MYO1E: variants seen among roughly 807,000 people sequenced by gnomAD.
MYO1E encodes unconventional myosin-Ie.
Under a neutral mutation model 151.1 loss-of-function variants are expected in MYO1E, and 68 were observed. The ratio of observed to expected loss-of-function variants is 0.45; its 90% CI spans 0.37 to 0.55. The LOEUF is 0.55. MYO1E is among the 20% of genes least tolerant of loss of function. The probability of loss-of-function intolerance (pLI) is 0.00; values close to 1 mark genes in which losing one functional copy is unlikely to be tolerated. For synonymous variants in MYO1E, 601 were observed against 501.7 expected, an observed-to-expected ratio of 1.20 and a Z score of -2.64; for missense variants, 1,363 against 1,389.3, an observed-to-expected ratio of 0.98 and a Z score of 0.30.
chr15:59,285,252 G>A (rs2080380193), intron 1 of MYO1E, among the ~76,000 whole-genome samples: 1 of 152,026 alleles, frequency 6.6e-6, no homozygotes, highest in African/African-American at 2.4e-5. Context: ...TGCAAGGTGT[G>A]GCGGTTCATG....
chr15:59,306,771 A>G (rs1180350126), intron 1 of MYO1E, among the ~76,000 whole-genome samples: 1 of 152,248 alleles, frequency 6.6e-6, no homozygotes, highest in African/African-American at 2.4e-5. Flanking sequence ...CAGGCTGGAT[A>G]TTAGGGACTG....
At chr15:59,240,887 G>C (rs756801874) in intron 4 of MYO1E, among the ~76,000 whole-genome samples, 4 of 152,236 alleles carry the variant, frequency 2.6e-5, no homozygotes, top group Admixed American at 6.5e-5. Context: ...CTCTGCCCCA[G>C]TGTGTTAAGC....
intron 1 of MYO1E, among the ~76,000 whole-genome samples, chr15:59,297,235 T>G (rs2080455650): frequency 6.6e-6 from 1 of 151,648 alleles, no homozygotes; most frequent in Non-Finnish European, 1.5e-5. Context: ...TATTACTTAT[T>G]TTTTCCCCTG....
chr15:59,363,329 C>G (rs1332422740), intron 1 of MYO1E, among the ~76,000 whole-genome samples: 1 of 152,164 alleles, frequency 6.6e-6, no homozygotes, highest in Non-Finnish European at 1.5e-5. Flanking sequence ...ATCTTCTAGT[C>G]TCTATGGCAA....
chr15:59,371,246 T>G (rs1253385284), intron 1 of MYO1E, among the ~76,000 whole-genome samples: 4 of 152,274 alleles, frequency 2.6e-5, no homozygotes, highest in African/African-American at 9.6e-5. Context: ...GGGCCTCTGC[T>G]GCACTTCCCT....
chr15:59,218,827 G>A (rs970786283), intron 9 of MYO1E, among the ~76,000 whole-genome samples: 1 of 152,230 alleles, frequency 6.6e-6, no homozygotes, highest in Admixed American at 6.5e-5. Flanking sequence ...ATGCAGAGAG[G>A]AGAAGGGAGT....
Position 59,236,363 on chromosome 15 carries a change from A to AAATAT in MYO1E, c.420+221_420+222insATATT, listed in dbSNP as rs1387709265. On this transcript the variant is annotated intron_variant, in intron 5 of 27. Coordinates refer to ENST00000288235, the MANE Select transcript of MYO1E (RefSeq NM_004998.4). ...TCTGTCTCAAAAAAGAAAAAAAAAA[A>AAATAT]ATATATACACACACACACACACACA... 9.4e-4 allele frequency among the ~76,000 whole-genome samples: 57 copies of AAATAT among 60,806 alleles called. No homozygotes were observed. The East Asian group carries it at 0.029, about 31-fold the overall frequency. The allele number at this position is 60,806 out of a possible 152,430, so 39.9% of individuals were successfully genotyped here. A position where few individuals can be genotyped will look rare whatever the true frequency, so the allele number is the denominator to read the frequency against.
chr15:59,275,435 T>C (rs4775145), intron 1 of MYO1E, among the ~76,000 whole-genome samples: 140,604 of 152,034 alleles, frequency 0.92, 65,665 homozygotes, highest in Non-Finnish European at 0.99. Context: ...CTCCCTTCCC[T>C]GTCTCTCCCT....
intron 1 of MYO1E, among the ~76,000 whole-genome samples, chr15:59,309,750 G>T (rs1292617028): frequency 6.6e-6 from 1 of 152,258 alleles, no homozygotes; most frequent in East Asian, 1.9e-4. Context: ...GTTGCCCTTC[G>T]GTTTCTTCCA....
intron 1 of MYO1E, among the ~76,000 whole-genome samples, chr15:59,276,214 A>C (rs1217216087): frequency 6.6e-6 from 1 of 152,140 alleles, no homozygotes; most frequent in East Asian, 1.9e-4. Flanking sequence ...GTTCCTCATC[A>C]GTGTGAGGGC....
chr15:59,284,167 A>G (rs1410907167), intron 1 of MYO1E, among the ~76,000 whole-genome samples: 2 of 152,212 alleles, frequency 1.3e-5, no homozygotes. Flanking sequence ...AATCTTTACT[A>G]GCTGGGTGAA....
intron 17 of MYO1E, among the ~76,000 whole-genome samples, chr15:59,192,984 C>T (rs1263048593): frequency 6.6e-6 from 1 of 152,066 alleles, no homozygotes; most frequent in East Asian, 1.9e-4. Context: ...CTAGATGGAC[C>T]CTCTTAAGAG....
intron 1 of MYO1E, among the ~76,000 whole-genome samples, chr15:59,291,985 C>A (rs1447941274): frequency 1.3e-5 from 2 of 152,140 alleles, no homozygotes; most frequent in Non-Finnish European, 2.9e-5. Context: ...AACCACAGCT[C>A]TTTTGCTTAG....
intron 1 of MYO1E, 29 bp from the exon 2 acceptor site, chr15:59,272,478 G>C (rs780832643): frequency 1.4e-5 from 22 of 1,612,694 alleles, no homozygotes; most frequent in African/African-American, 4.0e-5. Context: ...CAATTACTAG[G>C]ATAGTTTGTT....
chr15:59,234,215 T>TCAC (rs2080047065), intron 5 of MYO1E, among the ~76,000 whole-genome samples: 1 of 99,982 alleles, frequency 1.0e-5, no homozygotes. Flanking sequence ...TGATCACTGA[T>TCAC]GGATGGATGG....
intron 1 of MYO1E, among the ~76,000 whole-genome samples, chr15:59,317,495 C>T (rs1024638166): frequency 6.7e-6 from 1 of 150,216 alleles, no homozygotes; most frequent in African/African-American, 2.5e-5. Context: ...AACAAGAGAC[C>T]TCCATAAAGA....
intron 4 of MYO1E, among the ~76,000 whole-genome samples, chr15:59,252,787 G>A (rs190758168): frequency 0.01 from 1,534 of 152,032 alleles, 12 homozygotes; most frequent in Non-Finnish European, 0.016. Flanking sequence ...TCAGGAGGCT[G>A]AGGCAGGAGA....
At chr15:59,227,420 G>A (rs1459088855) in intron 7 of MYO1E, 39 bp downstream of exon 7, 2 of 1,611,900 alleles carry the variant, frequency 1.2e-6, no homozygotes, top group African/African-American at 2.7e-5. Context: ...ATGTAGAGAA[G>A]GGACAGGAAG....
chr15:59,362,947 A>C (rs1219546253), intron 1 of MYO1E, among the ~76,000 whole-genome samples: 1 of 151,514 alleles, frequency 6.6e-6, no homozygotes, highest in Non-Finnish European at 1.5e-5. Flanking sequence ...AATCCTAGTT[A>C]AGATTAGAGA....
Sources: allele counts gnomAD v4.1 joint callset (sites outside exome capture counted in the v4.1 genomes callset), GRCh38; gene constraint gnomAD v4.1.1; transcripts MANE v1.5; gene names NCBI Gene and HGNC (gene_info 2026-07-23, HGNC 2026-07-21).